PRDM16: variants seen among roughly 807,000 people sequenced by gnomAD.
PRDM16 encodes histone-lysine N-methyltransferase PRDM16.
A neutral mutation model predicts 110.6 loss-of-function variants in PRDM16; 23 were observed. The observed-to-expected ratio is 0.21, with a 90% confidence interval of 0.15 to 0.29. PRDM16 has a LOEUF of 0.29. Among genes scored for constraint, PRDM16 ranks in the 10% least tolerant of loss-of-function variants. PRDM16 has a pLI of 1.00. For synonymous variants in PRDM16, 799 were observed against 781.8 expected (o/e 1.02, Z -0.37); for missense variants, 1,615 against 1,794.3 (o/e 0.90, Z 1.81).
chr1:3,204,757 C>T (rs866499624), intron 2 of PRDM16, among the ~76,000 whole-genome samples: 40 of 152,238 alleles, frequency 2.6e-4, no homozygotes, highest in African/African-American at 9.4e-4. Context: ...TGTGAACCTG[C>T]GGCTGTGGGT....
chr1:3,082,536 T>C (rs1382803419), intron 1 of PRDM16, among the ~76,000 whole-genome samples: 1 of 152,176 alleles, frequency 6.6e-6, no homozygotes, highest in African/African-American at 2.4e-5. Context: ...GAAACCTCCC[T>C]CACCCCAGTC....
intron 3 of PRDM16, among the ~76,000 whole-genome samples, chr1:3,324,895 C>T (rs1641853034): frequency 6.6e-6 from 1 of 152,150 alleles, no homozygotes; most frequent in Non-Finnish European, 1.5e-5. Context: ...GGGCCAGAGT[C>T]CCTGAGGGTC....
At chr1:3,389,950 C>G (rs1380507512) in intron 4 of PRDM16, among the ~76,000 whole-genome samples, 12 of 21,506 alleles carry the variant, frequency 5.6e-4, no homozygotes, top group South Asian at 4.9e-3. Context: ...TGGGGGTGCG[C>G]CCCCCCCCCC....
At chr1:3,321,834 A>C (rs1641759602) in intron 3 of PRDM16, among the ~76,000 whole-genome samples, 1 of 146,526 alleles carries the variant, frequency 6.8e-6, no homozygotes, top group Admixed American at 6.8e-5. Context: ...ACATGTGTGC[A>C]TTTGTGTGTG....
At chr1:3,340,310 T>C (rs1642246976) in intron 3 of PRDM16, among the ~76,000 whole-genome samples, 1 of 151,860 alleles carries the variant, frequency 6.6e-6, no homozygotes, top group Admixed American at 6.6e-5. Context: ...GTACAGGTGG[T>C]GGCCTCTCCC....
At chr1:3,337,646 G>A (rs111673967) in intron 3 of PRDM16, among the ~76,000 whole-genome samples, 8 of 152,292 alleles carry the variant, frequency 5.3e-5, no homozygotes, top group African/African-American at 1.7e-4. Context: ...CAGGGGCTGC[G>A]GGCACACACC....
chr1:3,232,395 A>G (rs1370991498), intron 2 of PRDM16, among the ~76,000 whole-genome samples: 5 of 152,218 alleles, frequency 3.3e-5, no homozygotes, highest in African/African-American at 1.2e-4. Context: ...TTGTAGGATT[A>G]TTTCAAGCAT....
rs376747653 is a variant in PRDM16, at chr1:3,411,775, G to A, written c.1578G>A (p.Pro526=). ...TCCCTCCATCCTTGTACCCCCGGCCGCCTCTGCTACCTCCCACATCGCTGC... is the reference window on the plus strand; with the variant it reads ...TCCCTCCATCCTTGTACCCCCGGCCACCTCTGCTACCTCCCACATCGCTGC... The part of the protein sequence containing the change: ...GIFPPSLYPR[P]PLLPPTSLLK... Residue 526 remains proline (P), a synonymous_variant, in exon 9 of 17, where the codon CCG becomes CCA. Coordinates refer to ENST00000270722, the MANE Select transcript of PRDM16 (RefSeq NM_022114.4). The A allele has an allele frequency of 3.1e-4, 499 of 1,611,396 alleles. No individual in the cohort carries two copies. The highest frequency in any genetic ancestry group is 3.8e-4 in the Non-Finnish European group (449 of 1,179,680).
chr1:3,077,231 G>A lies in PRDM16; in HGVS notation c.37+7935G>A, dbSNP rs376085200. 5.8e-3 allele frequency among the ~76,000 whole-genome samples: 889 copies of A among 152,280 alleles called. 9 individuals are homozygous for A. Among genetic ancestry groups the A allele is most frequent in the African/African-American group, 0.02 (821 of 41,574 alleles). The stretch of plus-strand genomic sequence containing the variant: ...TGCTGGCGAGGTCTCCCGTGGGCCC[G>A]GGCCCTGCCCCCTGACACAAGCTCA... On this transcript the variant is annotated intron_variant, in intron 1 of 16. Transcript: ENST00000270722.
chr1:3,098,392 GGGCTTAAT>G (rs1312746687), intron 1 of PRDM16, among the ~76,000 whole-genome samples: 1 of 152,162 alleles, frequency 6.6e-6, no homozygotes, highest in Non-Finnish European at 1.5e-5. Context: ...AGCTGGCAAG[GGGCTTAAT>G]GGTCAGAAAG....
At chr1:3,174,496 C>T (rs916671560) in intron 1 of PRDM16, among the ~76,000 whole-genome samples, 15 of 152,238 alleles carry the variant, frequency 9.9e-5, no homozygotes, top group Middle Eastern at 3.4e-3. Flanking sequence ...CTGTGCTTGC[C>T]TGCTGTGTGA....
chr1:3,178,170 G>A (rs537404324), intron 1 of PRDM16, among the ~76,000 whole-genome samples: 28 of 152,290 alleles, frequency 1.8e-4, no homozygotes, highest in East Asian at 7.7e-4. Context: ...GCAATAAGAC[G>A]GCAAGGGTTT....
chr1:3,241,007 G>A (rs989574369), intron 2 of PRDM16, among the ~76,000 whole-genome samples: 3 of 152,248 alleles, frequency 2.0e-5, no homozygotes, highest in Non-Finnish European at 4.4e-5. Context: ...CCAGCGGCGC[G>A]TGTGCTGAGG....
At chr1:3,374,770 G>A (rs555415031) in intron 3 of PRDM16, among the ~76,000 whole-genome samples, 1 of 152,348 alleles carries the variant, frequency 6.6e-6, no homozygotes, top group South Asian at 2.1e-4. Flanking sequence ...GGGGTCCTGA[G>A]GACCTCACTA....
intron 3 of PRDM16, among the ~76,000 whole-genome samples, chr1:3,348,904 G>T (rs1642419781): frequency 6.6e-6 from 1 of 152,198 alleles, no homozygotes; most frequent in South Asian, 2.1e-4. Flanking sequence ...TAGAGTCCGT[G>T]GTGGGGAGAG....
In PRDM16 at chr1:3,382,259, C is replaced by T. The variant is rs537378276; in HGVS notation, c.439-2893C>T. Reference sequence around the variant, plus strand: ...TTGTGGCCTCCTCCCTCCCATGCCACGCCCCTGCCACCCCTGTCCTGGCAA... The same window carrying T: ...TTGTGGCCTCCTCCCTCCCATGCCATGCCCCTGCCACCCCTGTCCTGGCAA... On this transcript the variant is annotated intron_variant, in intron 3 of 16. Coordinates refer to ENST00000270722, the MANE Select transcript of PRDM16 (RefSeq NM_022114.4). This position sits in a 1 kb window ranked among gnomAD's most constrained non-coding sequence, Gnocchi z 6.6. Among the ~76,000 whole-genome samples, 3 of 152,350 alleles carry T rather than the reference C, an allele frequency of 2.0e-5. No individual in the cohort carries two copies. Among genetic ancestry groups the T allele is most frequent in the African/African-American group, 4.8e-5 (2 of 41,580 alleles).
chr1:3,306,228 C>T (rs528216105), intron 3 of PRDM16, among the ~76,000 whole-genome samples: 13 of 152,332 alleles, frequency 8.5e-5, no homozygotes, highest in South Asian at 8.3e-4. Context: ...CTCCAAAGAC[C>T]GCTGGGCCAT....
chr1:3,144,866 C>T (rs1413898836), intron 1 of PRDM16, among the ~76,000 whole-genome samples: 1 of 152,148 alleles, frequency 6.6e-6, no homozygotes, highest in Non-Finnish European at 1.5e-5. Context: ...TGCTCTTGGC[C>T]ACCAGGTAAG....
intron 3 of PRDM16, among the ~76,000 whole-genome samples, chr1:3,354,062 T>C (rs894686059): frequency 4.6e-5 from 7 of 152,152 alleles, no homozygotes; most frequent in African/African-American, 1.7e-4. Flanking sequence ...GGCACTTGTC[T>C]CCCGTGAATT....
Sources: gnomAD v4.1 joint callset for allele counts (sites outside exome capture counted in the v4.1 genomes callset) on GRCh38, gnomAD v4.1.1 for gene constraint, Gnocchi (gnomAD v3.1) non-coding constraint, MANE v1.5 for transcripts, NCBI Gene and HGNC (gene_info 2026-07-23, HGNC 2026-07-21) for gene names.